PCDH15: variants seen among roughly 807,000 people sequenced by gnomAD.
The protein encoded by PCDH15 is protocadherin related 15.
A neutral mutation model predicts 178.5 loss-of-function variants in PCDH15; 129 were observed. The ratio of observed to expected loss-of-function variants is 0.72; its 90% CI spans 0.63 to 0.84. The LOEUF (loss-of-function observed/expected upper bound fraction) is 0.84. Among genes scored for constraint, PCDH15 ranks in the 40% least tolerant of loss-of-function variants. The probability of loss-of-function intolerance (pLI) is 0.00; values close to 1 mark genes in which losing one functional copy is unlikely to be tolerated. For synonymous variants in PCDH15, 800 were observed against 732.0 expected (o/e 1.09, Z -1.50); for missense variants, 2,230 against 2,099.9 (o/e 1.06, Z -1.21).
At chr10:54,598,362 A>G (rs1264893143) in intron 2 of PCDH15, among the ~76,000 whole-genome samples, 1 of 152,168 alleles carries the variant, frequency 6.6e-6, no homozygotes, top group East Asian at 1.9e-4. Context: ...AAAGAGAACT[A>G]AAGACAAAAG....
At chr10:54,424,014 G>A (rs1955896481) in intron 3 of PCDH15, among the ~76,000 whole-genome samples, 1 of 151,896 alleles carries the variant, frequency 6.6e-6, no homozygotes, top group Non-Finnish European at 1.5e-5. Flanking sequence ...ATTGACAAAT[G>A]GGATCTAATT....
intron 2 of PCDH15, among the ~76,000 whole-genome samples, chr10:54,912,299 A>G (rs1564624516): frequency 6.6e-6 from 1 of 151,960 alleles, no homozygotes; most frequent in African/African-American, 2.4e-5. Context: ...TCCTACCCAA[A>G]TCTCATGTTA....
chr10:55,391,386 T>C (rs1458037247), intron 2 of PCDH15, among the ~76,000 whole-genome samples: 2 of 152,134 alleles, frequency 1.3e-5, no homozygotes, highest in African/African-American at 4.8e-5. Context: ...GTTGGATTGG[T>C]TTGATCTTCT....
At chr10:53,826,477 T>C (rs1051492563) in intron 32 of PCDH15, among the ~76,000 whole-genome samples, 1 of 152,078 alleles carries the variant, frequency 6.6e-6, no homozygotes, top group Non-Finnish European at 1.5e-5. Flanking sequence ...TAATAACATG[T>C]TATAGTCCTT....
At chr10:54,285,886 T>TA (rs1159063849) in intron 8 of PCDH15, among the ~76,000 whole-genome samples, 2 of 151,984 alleles carry the variant, frequency 1.3e-5, no homozygotes, top group African/African-American at 4.8e-5. Flanking sequence ...CATTCAGCCA[T>TA]AAAAAAATAA....
At chr10:54,748,233 C>T (rs1041268866) in intron 1 of PCDH15, among the ~76,000 whole-genome samples, 3 of 152,122 alleles carry the variant, frequency 2.0e-5, no homozygotes, top group Non-Finnish European at 2.9e-5. Flanking sequence ...AAATATGATG[C>T]ACATTAATTT....
chr10:54,915,774 T>C lies in PCDH15; in HGVS notation c.-79-18274A>G, dbSNP rs148993295. 9.0e-4 allele frequency among the ~76,000 whole-genome samples: 137 copies of C among 152,342 alleles called. 2 individuals carry two copies. In the East Asian group the frequency reaches 0.025, roughly 28 times the overall value. On this transcript the variant is annotated intron_variant, in intron 2 of 5. Transcript: ENST00000458638. ...ATTTCATTCCCATTCTGTAAGATTC[T>C]AAATAATTATTCAAAGTACAAGAAT...
chr10:54,298,915 TG>T, intron 8 of PCDH15, among the ~76,000 whole-genome samples: 1 of 152,370 alleles, frequency 6.6e-6, no homozygotes, highest in East Asian at 1.9e-4. Flanking sequence ...ATAGTAAGTA[TG>T]CTTATCTAAT....
chr10:54,914,285 A>G (rs1488999742), intron 2 of PCDH15, among the ~76,000 whole-genome samples: 3 of 152,014 alleles, frequency 2.0e-5, no homozygotes, highest in Admixed American at 1.3e-4. Context: ...ATGAGATTTC[A>G]TTGTTTAAAA....
chr10:55,446,444 T>G (rs1839318766), intron 2 of PCDH15, among the ~76,000 whole-genome samples: 1 of 152,114 alleles, frequency 6.6e-6, no homozygotes, highest in Non-Finnish European at 1.5e-5. Context: ...GAAGAAAATC[T>G]ATGTGAAAGG....
intron 15 of PCDH15, among the ~76,000 whole-genome samples, chr10:54,127,722 C>T (rs1564485015): frequency 6.6e-6 from 1 of 152,052 alleles, no homozygotes; most frequent in Admixed American, 6.6e-5. Context: ...ATATTATACT[C>T]AGTTTGAATA....
chr10:55,428,484 C>A (rs1022694544), intron 2 of PCDH15, among the ~76,000 whole-genome samples: 2 of 151,574 alleles, frequency 1.3e-5, no homozygotes, highest in Admixed American at 1.3e-4. Context: ...CTACAGCTTT[C>A]TTTTTATTTG....
chr10:55,220,656 T>G (rs1840847466), intron 1 of PCDH15, among the ~76,000 whole-genome samples: 1 of 152,112 alleles, frequency 6.6e-6, no homozygotes, highest in Admixed American at 6.5e-5. Context: ...CGTACGTATC[T>G]AAACTTAGAA....
intron 1 of PCDH15, among the ~76,000 whole-genome samples, chr10:54,724,418 A>G (rs1042668746): frequency 4.0e-5 from 6 of 151,670 alleles, no homozygotes; most frequent in Non-Finnish European, 8.9e-5. Context: ...AAAATTACCT[A>G]TTGGTTACAA....
At chr10:54,928,630 A>T (rs7923612) in intron 2 of PCDH15, among the ~76,000 whole-genome samples, 3,345 of 152,102 alleles carry the variant, frequency 0.022, 122 homozygotes, top group African/African-American at 0.076. Flanking sequence ...GGTTTCGTTC[A>T]TTCCTTTTCA....
chr10:53,882,641 G>A (rs958660676), intron 26 of PCDH15, among the ~76,000 whole-genome samples: 1 of 152,132 alleles, frequency 6.6e-6, no homozygotes, highest in Admixed American at 6.5e-5. Flanking sequence ...GGGATTACAG[G>A]TGTGAGCCAC....
chr10:53,991,534 A>G lies in PCDH15; in HGVS notation c.2868+4115T>C, dbSNP rs536914188. On this transcript the variant is annotated intron_variant, in intron 21 of 37. Transcript: ENST00000644397. ...TAGCTCAAGGTTTGTAAACCCACCA[A>G]TCAGTGCTCTGTGTCTAGCTCATCT... 3.9e-5 allele frequency among the ~76,000 whole-genome samples: 6 copies of G among 152,058 alleles called. No homozygotes were observed. In the South Asian group the frequency reaches 1.0e-3, roughly 26 times the overall value.
intron 2 of PCDH15, among the ~76,000 whole-genome samples, chr10:55,370,099 A>C (rs1305287434): frequency 6.6e-6 from 1 of 152,260 alleles, no homozygotes; most frequent in Non-Finnish European, 1.5e-5. Flanking sequence ...AAGTAACCAA[A>C]GAACCTCAAA....
At chr10:55,037,853 A>G (rs896254002) in intron 2 of PCDH15, among the ~76,000 whole-genome samples, 2 of 152,162 alleles carry the variant, frequency 1.3e-5, no homozygotes, top group Non-Finnish European at 2.9e-5. Flanking sequence ...TATTCTTATC[A>G]TAGTGTTATC....
Sources: allele counts gnomAD v4.1 joint callset (sites outside exome capture counted in the v4.1 genomes callset), GRCh38; gene constraint gnomAD v4.1.1; transcripts MANE v1.5; gene names NCBI Gene and HGNC (gene_info 2026-07-23, HGNC 2026-07-21).